Variants in PPP6R3 observed in about 807,000 individuals in gnomAD.
The protein encoded by PPP6R3 is protein phosphatase 6 regulatory subunit 3, also known as serine/threonine-protein phosphatase 6 regulatory subunit 3.
Under a neutral mutation model 110.7 loss-of-function variants are expected in PPP6R3, and 38 were observed. That is an observed-to-expected ratio of 0.34 (90% CI 0.26 to 0.45). The LOEUF (loss-of-function observed/expected upper bound fraction) is 0.45. Ranked by LOEUF, PPP6R3 falls within the 20% of genes least tolerant of loss-of-function variation. PPP6R3 has a pLI of 1.00. For synonymous variants in PPP6R3, 369 were observed against 373.5 expected (o/e 0.99, Z 0.14); for missense variants, 870 against 1,062.4 (o/e 0.82, Z 2.52).
chr11:68,526,195 T>C (rs1344011518), intron 2 of PPP6R3, among the ~76,000 whole-genome samples: 7 of 152,196 alleles, frequency 4.6e-5, no homozygotes, highest in Non-Finnish European at 1.0e-4. Flanking sequence ...TCTTGGATGC[T>C]TCAGATGGGA....
intron 1 of PPP6R3, among the ~76,000 whole-genome samples, chr11:68,462,901 A>G (rs1347724814): frequency 6.6e-6 from 1 of 152,216 alleles, no homozygotes; most frequent in South Asian, 2.1e-4. Context: ...ACTTAAGGAC[A>G]GGAAGAAGAT....
intron 8 of PPP6R3, among the ~76,000 whole-genome samples, chr11:68,560,091 A>T (rs2099413658): frequency 6.6e-6 from 1 of 152,226 alleles, no homozygotes; most frequent in Admixed American, 6.5e-5. Context: ...TTAAGTGGTT[A>T]TATTAGAAAA....
intron 4 of PPP6R3, among the ~76,000 whole-genome samples, chr11:68,547,560 C>G (rs1041667782): frequency 6.6e-6 from 1 of 152,160 alleles, no homozygotes; most frequent in Non-Finnish European, 1.5e-5. Flanking sequence ...TTGGTGAAGT[C>G]AAAATCAAAG....
At chr11:68,602,693 C>T (rs2099635481) in intron 21 of PPP6R3, among the ~76,000 whole-genome samples, 1 of 152,180 alleles carries the variant, frequency 6.6e-6, no homozygotes. Context: ...TCATCATCCT[C>T]CTGAACATTT....
chr11:68,602,682 T>A (rs1170366585), intron 21 of PPP6R3, among the ~76,000 whole-genome samples: 1 of 152,180 alleles, frequency 6.6e-6, no homozygotes, highest in Non-Finnish European at 1.5e-5. Context: ...TAATGCTGGT[T>A]TCATCATCCT....
At chr11:68,535,930 G>A (rs1167737315) in intron 2 of PPP6R3, among the ~76,000 whole-genome samples, 2 of 151,966 alleles carry the variant, frequency 1.3e-5, no homozygotes, top group African/African-American at 4.8e-5. Flanking sequence ...TCATGCCACT[G>A]CACTCCAGCC....
chr11:68,524,007 G>A (rs370744499), intron 2 of PPP6R3, among the ~76,000 whole-genome samples: 45 of 152,184 alleles, frequency 3.0e-4, no homozygotes, highest in African/African-American at 1.0e-3. Flanking sequence ...CAGCCCAAAT[G>A]TAGCCATGTA....
chr11:68,475,140 G>T (rs1212521505), intron 1 of PPP6R3, among the ~76,000 whole-genome samples: 1 of 152,112 alleles, frequency 6.6e-6, no homozygotes, highest in African/African-American at 2.4e-5. Flanking sequence ...CTGCCTTCAA[G>T]TATCTGTTTA....
Position 68,592,949 on chromosome 11 carries a change from G to T in PPP6R3, c.1916+1243G>T, listed in dbSNP as rs1199749725. Among the ~76,000 whole-genome samples, 6 of 152,196 alleles carry T rather than the reference G, an allele frequency of 3.9e-5. No homozygotes were observed. The East Asian group carries it at 1.2e-3, about 29-fold the overall frequency. ...ACAGAGAATTTAGTGTGTCAGGGAAGACTGTGTCCTGGGGGAGATGGCACC... is the reference window on the plus strand; with the variant it reads ...ACAGAGAATTTAGTGTGTCAGGGAATACTGTGTCCTGGGGGAGATGGCACC... On this transcript the variant is annotated intron_variant, in intron 18 of 23. Coordinates refer to ENST00000393800, the MANE Select transcript of PPP6R3 (RefSeq NM_001164161.2).
intron 22 of PPP6R3, 143 bp from the exon 23 acceptor site, chr11:68,609,761 G>A (rs1475095783): frequency 6.5e-7 from 1 of 1,547,942 alleles, no homozygotes; most frequent in African/African-American, 1.4e-5. Context: ...GTGTGATCGT[G>A]CACCCTGCGC....
chr11:68,461,151 C>G (rs1352534695), intron 1 of PPP6R3, among the ~76,000 whole-genome samples: 1 of 150,708 alleles, frequency 6.6e-6, no homozygotes, highest in Non-Finnish European at 1.5e-5. Context: ...CGCCCCTGAC[C>G]CGGCTCTGGC....
chr11:68,544,955 T>G lies in PPP6R3; in HGVS notation c.345T>G (p.Pro115=). The G allele has an allele frequency of 6.2e-7, 1 of 1,608,146 alleles. No homozygotes were observed. The highest frequency in any genetic ancestry group is 8.5e-7 in the Non-Finnish European group (1 of 1,174,602). The change falls in exon 4 of 24, where the codon CCT becomes CCG. Residue 115 remains proline (P), a synonymous_variant. Transcript: ENST00000393800. The stretch of plus-strand genomic sequence containing the variant: ...ATAGCTTCCTCCTAAACGATTCCCC[T>G]TTGAATCCACTACTTGCCAGTTTCT... ...KLYSFLLNDS[P]LNPLLASFFS... is the part of the protein sequence containing the mutation.
chr11:68,581,478 G>A (rs1204763359), intron 14 of PPP6R3, among the ~76,000 whole-genome samples: 1 of 152,236 alleles, frequency 6.6e-6, no homozygotes, highest in African/African-American at 2.4e-5. Flanking sequence ...ATTTTGCTCA[G>A]TTCTTTGCAT....
chr11:68,468,601 T>C (rs2098766050), intron 1 of PPP6R3, among the ~76,000 whole-genome samples: 1 of 152,194 alleles, frequency 6.6e-6, no homozygotes, highest in Admixed American at 6.5e-5. Flanking sequence ...TGGAGTATTA[T>C]AGGATCATAG....
At chr11:68,461,335 A>C (rs2098705041) in intron 1 of PPP6R3, among the ~76,000 whole-genome samples, 1 of 152,030 alleles carries the variant, frequency 6.6e-6, no homozygotes, top group South Asian at 2.1e-4. Context: ...TTCGGGAAAC[A>C]AGTTTTGTGG....
intron 2 of PPP6R3, among the ~76,000 whole-genome samples, chr11:68,528,681 T>G (rs2099216653): frequency 1.3e-5 from 2 of 152,148 alleles, no homozygotes; most frequent in African/African-American, 4.8e-5. Flanking sequence ...AGAGATAACT[T>G]CCGTGGGAGT....
rs180857191 is a variant in PPP6R3, at chr11:68,507,791, A to C, written c.-157-11710A>C. ...TATACCACCTGTCTGTCTAATGGAG[A>C]GTGCATCTTTAGTTGTGTATGATAT... is the stretch of plus-strand genomic sequence containing the variant. On this transcript the variant is annotated intron_variant, in intron 1 of 23. Transcript: ENST00000393800. 3.2e-4 allele frequency among the ~76,000 whole-genome samples: 48 copies of C among 152,166 alleles called. No individual in the cohort carries two copies. The East Asian group carries it at 7.9e-3, about 25-fold the overall frequency.
chr11:68,551,825 G>A (rs893951814), intron 6 of PPP6R3, among the ~76,000 whole-genome samples: 1 of 152,108 alleles, frequency 6.6e-6, no homozygotes, highest in African/African-American at 2.4e-5. Context: ...CAGTTGATGT[G>A]GCCACATTTG....
intron 1 of PPP6R3, among the ~76,000 whole-genome samples, chr11:68,480,439 A>T (rs1412779285): frequency 6.6e-6 from 1 of 152,248 alleles, no homozygotes; most frequent in Non-Finnish European, 1.5e-5. Flanking sequence ...AACAGAATGG[A>T]TAATATTCTG....
Sources: allele counts gnomAD v4.1 joint callset (sites outside exome capture counted in the v4.1 genomes callset), GRCh38; gene constraint gnomAD v4.1.1; transcripts MANE v1.5; gene names NCBI Gene and HGNC (gene_info 2026-07-23, HGNC 2026-07-21).